The following CAPN9 variants were observed in gnomAD, a reference collection of about 807,000 sequenced individuals.
CAPN9 encodes calpain-9.
In CAPN9, 81 loss-of-function variants were observed where a neutral mutation model predicts 92.8. That is an observed-to-expected ratio of 0.87 (90% CI 0.73 to 1.05). The LOEUF is 1.05. Among genes scored for constraint, CAPN9 ranks in the 50% least tolerant of loss-of-function variants. The pLI, the probability that CAPN9 is intolerant of heterozygous loss-of-function variation, is 0.00. For synonymous variants in CAPN9, 304 were observed against 328.0 expected, an observed-to-expected ratio of 0.93 and a Z score of 0.79; for missense variants, 848 against 866.2, an observed-to-expected ratio of 0.98 and a Z score of 0.26.
intron 2 of CAPN9, among the ~76,000 whole-genome samples, chr1:230,758,485 C>T (rs1665399463): frequency 6.6e-6 from 1 of 152,170 alleles, no homozygotes; most frequent in Non-Finnish European, 1.5e-5. Flanking sequence ...CTTCTGTGCT[C>T]CAGCTAAGGC....
chr1:230,790,104 T>C (rs1667877724), intron 13 of CAPN9, 28 bp from the exon 14 acceptor site: 1 of 1,585,722 alleles, frequency 6.3e-7, no homozygotes, highest in Non-Finnish European at 8.7e-7. Flanking sequence ...CCAAGGGCTA[T>C]AACAAACAAT....
rs1558119865 is a variant in CAPN9 at position 230,795,177 on chromosome 1, A to C, written c.1885A>C (p.Ser629Arg). Residue 629 changes from serine (S) to arginine (R), a missense_variant, in exon 18 of 20, where the codon AGC becomes CGC. Transcript: ENST00000271971. ...TGTCCCCACAGGCTTTCAGCTGAGCAGCCACCTCCTGCAGCTGATTGTGCT... is the reference window on the plus strand; with the variant it reads ...TGTCCCCACAGGCTTTCAGCTGAGCCGCCACCTCCTGCAGCTGATTGTGCT... ...ALKAAGFQLS[S>R]HLLQLIVLRY... The C allele has an allele frequency of 2.5e-6, 4 of 1,611,606 alleles. No homozygotes were observed. The highest frequency in any genetic ancestry group is 3.4e-6 in the Non-Finnish European group (4 of 1,178,270).
intron 8 of CAPN9, among the ~76,000 whole-genome samples, chr1:230,777,650 G>A (rs942596668): frequency 9.2e-5 from 14 of 151,748 alleles, no homozygotes; most frequent in Admixed American, 2.6e-4. Context: ...TTACTCTCTC[G>A]ACTCCACTCA....
chr1:230,755,987 C>G (rs1339731917), intron 2 of CAPN9, among the ~76,000 whole-genome samples: 1 of 152,204 alleles, frequency 6.6e-6, no homozygotes, highest in Non-Finnish European at 1.5e-5. Flanking sequence ...CACCTCAAGT[C>G]ACTCAAATTG....
intron 17 of CAPN9, among the ~76,000 whole-genome samples, chr1:230,793,314 T>C (rs1426750738): frequency 2.6e-5 from 4 of 152,220 alleles, no homozygotes. Context: ...ATGGTTGTTA[T>C]CGTGGATGAG....
At chr1:230,747,762 C>T in intron 1 of CAPN9, 53 bp downstream of exon 1, 1 of 1,532,012 alleles carries the variant, frequency 6.5e-7, no homozygotes, top group Non-Finnish European at 9.0e-7. Context: ...GTTCAGCAGC[C>T]CCCGCAGGAA....
chr1:230,755,164 C>G (rs568864326), intron 1 of CAPN9, among the ~76,000 whole-genome samples, 173 bp from the exon 2 acceptor site: 2 of 152,170 alleles, frequency 1.3e-5, no homozygotes, highest in African/African-American at 4.8e-5. Flanking sequence ...CCAGCCTTAT[C>G]CAGAGCATAG....
rs1277560406 is a variant in CAPN9 at position 230,780,576 on chromosome 1, T to C, written c.1349T>C (p.Ile450Thr). ...TCTCGGGCCAGAAGCAAGACGTTCATCAACCTGAGAGAAGTCTCCGACCGG... is the reference window on the plus strand; with the variant it reads ...TCTCGGGCCAGAAGCAAGACGTTCACCAACCTGAGAGAAGTCTCCGACCGG... Reference protein sequence around the residue: ...HASRARSKTFINLREVSDRFK... With the variant: ...HASRARSKTFTNLREVSDRFK... The change falls in exon 11 of 20, where the codon ATC becomes ACC. Residue 450 changes from isoleucine (I) to threonine (T), a missense_variant. Transcript: ENST00000271971. 2 of 1,614,218 alleles carry C rather than the reference T, an allele frequency of 1.2e-6. No individual in the cohort carries two copies. The highest frequency in any genetic ancestry group is 1.7e-6 in the Non-Finnish European group (2 of 1,180,042).
chr1:230,783,944 A>C (rs563161526), intron 11 of CAPN9, among the ~76,000 whole-genome samples: 1 of 152,350 alleles, frequency 6.6e-6, no homozygotes, highest in Admixed American at 6.5e-5. Context: ...GATGGAAAGG[A>C]GGAACTCATT....
chr1:230,781,173 G>C (rs1032650305), intron 11 of CAPN9, among the ~76,000 whole-genome samples: 2 of 152,070 alleles, frequency 1.3e-5, no homozygotes, highest in African/African-American at 4.8e-5. Flanking sequence ...CAGGCTGCAG[G>C]ACACTTTCTT....
intron 2 of CAPN9, among the ~76,000 whole-genome samples, chr1:230,757,628 TCGCAG>T (rs893926587): frequency 1.3e-5 from 2 of 150,462 alleles, no homozygotes; most frequent in African/African-American, 4.9e-5. Context: ...ACACCTGTAA[TCGCAG>T]CGCTTTGGGA....
intron 13 of CAPN9, among the ~76,000 whole-genome samples, chr1:230,788,403 A>T (rs569265584): frequency 6.6e-6 from 1 of 152,266 alleles, no homozygotes; most frequent in Non-Finnish European, 1.5e-5. Context: ...TGCTGGGGTC[A>T]GGGGAGGGAA....
intron 4 of CAPN9, among the ~76,000 whole-genome samples, chr1:230,765,212 GACAC>G (rs56286310): frequency 0.11 from 14,677 of 131,920 alleles, 781 homozygotes; most frequent in East Asian, 0.21. Context: ...ACACATGCAA[GACAC>G]ACACACACAC....
chr1:230,792,686 G>A (rs535370948), intron 16 of CAPN9, among the ~76,000 whole-genome samples, 164 bp from the exon 17 acceptor site: 1 of 152,354 alleles, frequency 6.6e-6, no homozygotes, highest in Non-Finnish European at 1.5e-5. Context: ...AAGACGAAAA[G>A]GAAGACAAAA....
intron 2 of CAPN9, among the ~76,000 whole-genome samples, chr1:230,759,184 G>T (rs1307003378): frequency 1.3e-5 from 2 of 152,220 alleles, no homozygotes; most frequent in Non-Finnish European, 2.9e-5. Flanking sequence ...TGCTGACACT[G>T]ATGTATGCAG....
chr1:230,782,280 A>C (rs1667275895), intron 11 of CAPN9, among the ~76,000 whole-genome samples: 1 of 152,204 alleles, frequency 6.6e-6, no homozygotes, highest in South Asian at 2.1e-4. Context: ...ATTCACACTG[A>C]GCTGTGTTTG....
rs1211452745 is a variant in CAPN9 at position 230,751,623 on chromosome 1, GA to G, written c.214-3711del. On this transcript the variant is annotated intron_variant, in intron 1 of 19. Coordinates refer to ENST00000271971, the MANE Select transcript of CAPN9 (RefSeq NM_006615.3). ...AAAGAAAGAAAGAGAAAGAAAGAAA[GA>G]AAGAAAGAAAGAAAGAAAGAAAGAA... is the stretch of plus-strand genomic sequence containing the variant. 6.1e-5 allele frequency among the ~76,000 whole-genome samples: 4 copies of G among 65,352 alleles called. 1 individual carries two copies. Among genetic ancestry groups the G allele is most frequent in the African/African-American group, 3.3e-4 (4 of 12,260 alleles). 42.9% of individuals were successfully genotyped at this position (65,352 alleles called of 152,430 possible).
intron 11 of CAPN9, 148 bp downstream of exon 11, chr1:230,780,856 TTTTA>T: frequency 1.9e-6 from 1 of 525,424 alleles, no homozygotes. Context: ...CTTTCTTTTC[TTTTA>T]TTTATTATTA....
chr1:230,753,434 G>A (rs1374204952), intron 1 of CAPN9, among the ~76,000 whole-genome samples: 2 of 152,212 alleles, frequency 1.3e-5, no homozygotes, highest in Admixed American at 6.5e-5. Flanking sequence ...ACATCCTGGG[G>A]AATGCAGAGA....
Sources: gnomAD v4.1 joint callset for allele counts (sites outside exome capture counted in the v4.1 genomes callset) on GRCh38, gnomAD v4.1.1 for gene constraint, MANE v1.5 for transcripts, NCBI Gene and HGNC (gene_info 2026-07-23, HGNC 2026-07-21) for gene names.